SLC27A6: variants seen among roughly 807,000 people sequenced by gnomAD.
SLC27A6 encodes solute carrier family 27 member 6, also known as long-chain fatty acid transport protein 6.
Under a neutral mutation model 63.9 loss-of-function variants are expected in SLC27A6, and 74 were observed. The observed-to-expected ratio is 1.16, with a 90% CI of 0.96 to 1.40. The LOEUF (loss-of-function observed/expected upper bound fraction) is 1.40, where lower values mean the gene tolerates loss of function less well. Among genes scored for constraint, SLC27A6 ranks in the 40% most tolerant of loss-of-function variants. The probability of loss-of-function intolerance (pLI) is 0.00; values close to 1 mark genes in which losing one functional copy is unlikely to be tolerated. For missense variants in SLC27A6, 794 were observed against 732.9 expected (o/e 1.08, Z -0.96); for synonymous variants, 287 against 260.8 (o/e 1.10, Z -0.97).
Position 128,965,889 on chromosome 5 carries a change from T to C in SLC27A6, c.-249T>C. 2.6e-6 allele frequency: 1 copy of C among 384,540 alleles called. No homozygotes were observed. Among genetic ancestry groups the C allele is most frequent in the Non-Finnish European group, 4.6e-6 (1 of 216,058 alleles). 23.8% of individuals were successfully genotyped at this position (384,540 alleles called of 1,614,324 possible). On this transcript the variant is annotated 5_prime_UTR_variant, in exon 1 of 10. Transcript: ENST00000262462. ...TTTCTCGCAGGAGTCGGAGGCTCCC[T>C]GCTTTCCAGCCGCCCAGTGACCCAA...
At chr5:129,011,656 T>C (rs1751730899) in intron 4 of SLC27A6, among the ~76,000 whole-genome samples, 1 of 152,148 alleles carries the variant, frequency 6.6e-6, no homozygotes, top group African/African-American at 2.4e-5. Flanking sequence ...ACACATCCTA[T>C]GGGGAATGCA....
intron 4 of SLC27A6, among the ~76,000 whole-genome samples, chr5:129,003,686 T>C (rs1436904323): frequency 1.3e-5 from 2 of 151,236 alleles, no homozygotes; most frequent in Non-Finnish European, 2.9e-5. Context: ...AAGTAAAAAA[T>C]TAGGTAGGCG....
chr5:129,005,241 G>A (rs902695441), intron 4 of SLC27A6, among the ~76,000 whole-genome samples: 2 of 152,070 alleles, frequency 1.3e-5, no homozygotes, highest in African/African-American at 2.4e-5. Flanking sequence ...CTGACTAGGC[G>A]ATTTTCTCCA....
chr5:129,022,901 G>A (rs777036025), intron 5 of SLC27A6, among the ~76,000 whole-genome samples: 2 of 152,082 alleles, frequency 1.3e-5, no homozygotes, highest in Non-Finnish European at 2.9e-5. Context: ...GAATTTAGGG[G>A]ACAAATGAGC....
intron 9 of SLC27A6, among the ~76,000 whole-genome samples, chr5:129,030,074 G>A (rs140705324): frequency 6.6e-6 from 1 of 151,940 alleles, no homozygotes; most frequent in African/African-American, 2.4e-5. Flanking sequence ...CAAAGAGATG[G>A]CAAGATGTGT....
Position 128,977,450 on chromosome 5 carries a change from G to A in SLC27A6, c.482-7683G>A, listed in dbSNP as rs191721849. Among the ~76,000 whole-genome samples the A allele has an allele frequency of 2.3e-3, 346 of 152,206 alleles. 1 individual carries two copies. Among genetic ancestry groups the A allele is most frequent in the African/African-American group, 7.9e-3 (327 of 41,532 alleles). ...CTCAAAGTAGATGGATAGAGAAAAG[G>A]TGAGAGAGAAAAGGAAAGGGGTGGG... is the stretch of plus-strand genomic sequence containing the variant. On this transcript the variant is annotated intron_variant, in intron 1 of 9. Coordinates refer to ENST00000262462, the MANE Select transcript of SLC27A6 (RefSeq NM_001017372.3).
intron 2 of SLC27A6, 78 bp downstream of exon 2, chr5:128,985,414 T>A: frequency 8.5e-7 from 1 of 1,180,950 alleles, no homozygotes. Flanking sequence ...ATTTCTACCA[T>A]GTGTAGTGAC....
intron 4 of SLC27A6, among the ~76,000 whole-genome samples, chr5:129,010,827 A>G (rs1029161942): frequency 6.6e-5 from 10 of 152,150 alleles, no homozygotes; most frequent in Non-Finnish European, 1.2e-4. Flanking sequence ...GAGTCTCCCA[A>G]TAAGACCCTA....
chr5:129,004,237 T>A (rs1302484550), intron 4 of SLC27A6, among the ~76,000 whole-genome samples: 1 of 152,192 alleles, frequency 6.6e-6, no homozygotes, highest in African/African-American at 2.4e-5. Context: ...TGTCTTACTG[T>A]GTTTAGGTTT....
chr5:128,977,697 A>G (rs113452960), intron 1 of SLC27A6, among the ~76,000 whole-genome samples: 6 of 152,178 alleles, frequency 3.9e-5, no homozygotes, highest in Non-Finnish European at 7.3e-5. Flanking sequence ...AATAAGGTTA[A>G]TATTTACCTA....
chr5:128,999,441 C>T (rs1441476854), intron 4 of SLC27A6, among the ~76,000 whole-genome samples: 7 of 152,022 alleles, frequency 4.6e-5, no homozygotes, highest in South Asian at 4.1e-4. Flanking sequence ...TTACTCTTTA[C>T]GCTATATTGT....
intron 9 of SLC27A6, among the ~76,000 whole-genome samples, chr5:129,031,754 A>T (rs930447089): frequency 5.3e-5 from 8 of 152,154 alleles, no homozygotes; most frequent in African/African-American, 1.9e-4. Context: ...TACAGGACCC[A>T]GGAAAATATA....
intron 1 of SLC27A6, among the ~76,000 whole-genome samples, chr5:128,971,330 A>C (rs186424505): frequency 6.6e-6 from 1 of 152,028 alleles, no homozygotes; most frequent in Non-Finnish European, 1.5e-5. Context: ...TTTTGGTCTC[A>C]TTGATCTGTC....
At chr5:129,032,671 C>T (rs1032879909) in intron 9 of SLC27A6, among the ~76,000 whole-genome samples, 1 of 151,974 alleles carries the variant, frequency 6.6e-6, no homozygotes, top group African/African-American at 2.4e-5. Flanking sequence ...TGTTTTAGAA[C>T]ATTCTGCACC....
intron 4 of SLC27A6, among the ~76,000 whole-genome samples, chr5:129,010,240 A>G (rs1359149554): frequency 1.3e-5 from 2 of 152,184 alleles, no homozygotes; most frequent in African/African-American, 4.8e-5. Flanking sequence ...GTTTTGAGGT[A>G]TAGCAGTAGT....
At chr5:129,014,900 C>T (rs1035619130) in intron 4 of SLC27A6, among the ~76,000 whole-genome samples, 5 of 152,132 alleles carry the variant, frequency 3.3e-5, no homozygotes, top group Non-Finnish European at 7.4e-5. Flanking sequence ...CCAAAATTAC[C>T]TCTCAACTCA....
At chr5:128,969,667 A>C (rs1036726162) in intron 1 of SLC27A6, among the ~76,000 whole-genome samples, 1 of 152,188 alleles carries the variant, frequency 6.6e-6, no homozygotes, top group African/African-American at 2.4e-5. Context: ...TTTTGGGCTG[A>C]GATGCTGGGG....
chr5:128,966,659 C>A, intron 1 of SLC27A6, 41 bp downstream of exon 1: 1 of 1,425,930 alleles, frequency 7.0e-7, no homozygotes, highest in Non-Finnish European at 9.1e-7. Context: ...GAATGGCAGC[C>A]CACCTGCTTT....
chr5:128,972,470 T>A (rs1419723275), intron 1 of SLC27A6, among the ~76,000 whole-genome samples: 1 of 152,216 alleles, frequency 6.6e-6, no homozygotes, highest in African/African-American at 2.4e-5. Context: ...CTTTTTACTC[T>A]TTTTTCTCTA....
Sources: gnomAD v4.1 joint callset for allele counts (sites outside exome capture counted in the v4.1 genomes callset) on GRCh38, gnomAD v4.1.1 for gene constraint, MANE v1.5 for transcripts, NCBI Gene and HGNC (gene_info 2026-07-23, HGNC 2026-07-21) for gene names.